The following MTSS1 variants were observed in gnomAD, a reference collection of about 807,000 sequenced individuals.
MTSS1 encodes the protein protein MTSS 1.
In MTSS1, 18 loss-of-function variants were observed where a neutral mutation model predicts 79.0. The ratio of observed to expected loss-of-function variants is 0.23; its 90% CI spans 0.16 to 0.34. The LOEUF is 0.34. Among genes scored for constraint, MTSS1 ranks in the 10% least tolerant of loss-of-function variants. The probability of loss-of-function intolerance (pLI) is 1.00; values close to 1 mark genes in which losing one functional copy is unlikely to be tolerated. For missense variants in MTSS1, 815 were observed against 986.2 expected (o/e 0.83, Z 2.33); for synonymous variants, 341 against 368.6 (o/e 0.93, Z 0.86).
intron 3 of MTSS1, among the ~76,000 whole-genome samples, chr8:124,598,817 C>G (rs867432168): frequency 6.6e-6 from 1 of 152,170 alleles, no homozygotes; most frequent in East Asian, 1.9e-4. Context: ...ACTGGAAATA[C>G]CCAAATAACT....
intron 3 of MTSS1, among the ~76,000 whole-genome samples, chr8:124,679,150 C>A (rs1416450405): frequency 1.3e-5 from 2 of 152,216 alleles, no homozygotes; most frequent in South Asian, 4.1e-4. Flanking sequence ...GAGGGCAAGT[C>A]CTTTAGCTAA....
intron 6 of MTSS1, among the ~76,000 whole-genome samples, chr8:124,569,048 C>T (rs1827186270): frequency 6.6e-6 from 1 of 152,220 alleles, no homozygotes; most frequent in African/African-American, 2.4e-5. Flanking sequence ...TCTCCTGGCT[C>T]TGGGGGCCCA....
intron 3 of MTSS1, among the ~76,000 whole-genome samples, chr8:124,633,841 G>A (rs6981365): frequency 0.3 from 45,682 of 151,182 alleles, 9,119 homozygotes; most frequent in African/African-American, 0.57. Flanking sequence ...GTTGATCCTA[G>A]TACCGCCTAA....
At chr8:124,567,900 A>G in intron 7 of MTSS1, 3 of 1,430,260 alleles carry the variant, frequency 2.1e-6, no homozygotes, top group Non-Finnish European at 2.7e-6. Context: ...TTCCTTAAAA[A>G]TTAAGTCTAA....
chr8:124,556,115 A>G, intron 12 of MTSS1, 117 bp downstream of exon 12: 1 of 1,564,738 alleles, frequency 6.4e-7, no homozygotes, highest in Non-Finnish European at 8.7e-7. Context: ...AAGTCAGGGA[A>G]TGGAGCCCAG....
chr8:124,681,035 C>A (rs1345623676), intron 3 of MTSS1, among the ~76,000 whole-genome samples: 3 of 152,026 alleles, frequency 2.0e-5, no homozygotes, highest in Non-Finnish European at 4.4e-5. Flanking sequence ...AGTGGTATAG[C>A]CCAGAGTAGA....
intron 3 of MTSS1, among the ~76,000 whole-genome samples, chr8:124,654,190 C>G (rs560338130): frequency 2.0e-5 from 3 of 152,330 alleles, no homozygotes; most frequent in Admixed American, 6.5e-5. Context: ...GAGGGACAGG[C>G]CTGAAGCGCT....
chr8:124,568,323 A>G, intron 7 of MTSS1, 56 bp downstream of exon 7: 1 of 1,562,568 alleles, frequency 6.4e-7, no homozygotes, highest in Non-Finnish European at 8.7e-7. Context: ...TAAAATTAGA[A>G]GGAAGCCACC....
intron 3 of MTSS1, among the ~76,000 whole-genome samples, chr8:124,645,077 G>A (rs1818756800): frequency 6.6e-6 from 1 of 152,104 alleles, no homozygotes; most frequent in Admixed American, 6.6e-5. Context: ...CATCAAAAAT[G>A]CATTTTTCAG....
At chr8:124,689,669 C>G (rs1272774139) in intron 3 of MTSS1, among the ~76,000 whole-genome samples, 2 of 151,220 alleles carry the variant, frequency 1.3e-5, no homozygotes, top group Non-Finnish European at 2.9e-5. Context: ...TCGCTTGAAC[C>G]CGGGAGGTGG....
intron 1 of MTSS1, among the ~76,000 whole-genome samples, chr8:124,719,165 T>C (rs1351911906): frequency 2.0e-5 from 3 of 152,182 alleles, no homozygotes; most frequent in Non-Finnish European, 4.4e-5. Context: ...CCAGCTATGC[T>C]TCTCACTAGC....
At chr8:124,651,753 A>G (rs899749427) in intron 3 of MTSS1, among the ~76,000 whole-genome samples, 1 of 152,106 alleles carries the variant, frequency 6.6e-6, no homozygotes, top group African/African-American at 2.4e-5. Context: ...AGACAGAAAA[A>G]TTCACTGAGC....
At chr8:124,702,993 C>T (rs1829914585) in intron 2 of MTSS1, among the ~76,000 whole-genome samples, 2 of 152,142 alleles carry the variant, frequency 1.3e-5, no homozygotes, top group African/African-American at 4.8e-5. Context: ...TAGAGCTCAG[C>T]ACTGGATCTT....
intron 3 of MTSS1, among the ~76,000 whole-genome samples, chr8:124,654,093 C>T (rs1356915722): frequency 6.6e-6 from 1 of 152,158 alleles, no homozygotes; most frequent in African/African-American, 2.4e-5. Flanking sequence ...TTACTGCTAC[C>T]CCACACGAGG....
intron 3 of MTSS1, among the ~76,000 whole-genome samples, chr8:124,697,369 G>C (rs1011230081): frequency 9.9e-5 from 15 of 151,962 alleles, no homozygotes; most frequent in African/African-American, 2.4e-5. Flanking sequence ...AGACTAGCCT[G>C]GCTAACATGG....
chr8:124,583,288 A>G (rs1219366683), intron 6 of MTSS1, among the ~76,000 whole-genome samples: 1 of 152,184 alleles, frequency 6.6e-6, no homozygotes, highest in Admixed American at 6.5e-5. Flanking sequence ...CCCAAGTCCC[A>G]GGGCCAGATG....
chr8:124,674,590 C>T (rs1438649866), intron 3 of MTSS1, among the ~76,000 whole-genome samples: 1 of 152,148 alleles, frequency 6.6e-6, no homozygotes, highest in Non-Finnish European at 1.5e-5. Flanking sequence ...GGGATCCGCC[C>T]CCCTCGGCCT....
At position 124,551,589 on chromosome 8, in the gene MTSS1, C is replaced by T. The variant is rs1822528089; in HGVS notation, c.*1403G>A. 6.6e-6 allele frequency: 1 copy of T among 152,566 alleles called. No individual in the cohort carries two copies. 9.5% of individuals were successfully genotyped at this position (152,566 alleles called of 1,614,324 possible). ...TGAGAGGGTTCGGTCAGAAATGTGC[C>T]CTGTTATGACCTGACTGCTAAGGGA... On this transcript the variant is annotated 3_prime_UTR_variant, in exon 14 of 14. Transcript: ENST00000518547.
intron 3 of MTSS1, among the ~76,000 whole-genome samples, chr8:124,656,461 C>CTT (rs56809431): frequency 3.7e-4 from 53 of 143,340 alleles, no homozygotes; most frequent in African/African-American, 1.1e-3. Flanking sequence ...GAGCCAGGAC[C>CTT]TTTTTTTTTT....
Sources: gnomAD v4.1 joint callset for allele counts (sites outside exome capture counted in the v4.1 genomes callset) on GRCh38, gnomAD v4.1.1 for gene constraint, MANE v1.5 for transcripts, NCBI Gene and HGNC (gene_info 2026-07-23, HGNC 2026-07-21) for gene names.